Variants in SPATA1 observed in about 807,000 individuals in gnomAD.
The protein encoded by SPATA1 is spermatogenesis associated 1, also known as spermatogenesis-associated protein 1.
SPATA1 carries 57 observed loss-of-function variants against 59.6 expected under a neutral mutation model. That is an observed-to-expected ratio of 0.96 (90% confidence interval 0.77 to 1.19). The LOEUF is 1.19. SPATA1 is among the 50% of genes most tolerant of loss of function. The probability of loss-of-function intolerance (pLI) is 0.00; values close to 1 mark genes in which losing one functional copy is unlikely to be tolerated. For missense variants in SPATA1, 448 were observed against 480.7 expected (o/e 0.93, Z 0.64); for synonymous variants, 147 against 163.9 (o/e 0.90, Z 0.79).
At chr1:84,512,293 G>C (rs1263868285) in intron 1 of SPATA1, among the ~76,000 whole-genome samples, 1 of 152,056 alleles carries the variant, frequency 6.6e-6, no homozygotes, top group Non-Finnish European at 1.5e-5. Flanking sequence ...AGCTGCAAAG[G>C]ATCTTGAAGA....
intron 4 of SPATA1, chr1:84,563,710 T>C (rs777609960): frequency 7.3e-7 from 1 of 1,374,460 alleles, no homozygotes; most frequent in East Asian, 2.4e-5. Flanking sequence ...ATAATAAAAA[T>C]TATGTAACAA....
intron 10 of SPATA1, among the ~76,000 whole-genome samples, chr1:84,547,398 C>G (rs889834127): frequency 6.6e-6 from 1 of 152,076 alleles, no homozygotes; most frequent in African/African-American, 2.4e-5. Context: ...TACTATGTGC[C>G]GGGCACTGTT....
chr1:84,536,971 C>A (rs1683719956), intron 8 of SPATA1, among the ~76,000 whole-genome samples: 1 of 151,508 alleles, frequency 6.6e-6, no homozygotes, highest in Non-Finnish European at 1.5e-5. Flanking sequence ...CCTCTGCCAC[C>A]CAGGTTCAAG....
At chr1:84,524,878 C>A (rs1294948873) in intron 4 of SPATA1, among the ~76,000 whole-genome samples, 4 of 152,074 alleles carry the variant, frequency 2.6e-5, no homozygotes, top group Admixed American at 2.0e-4. Flanking sequence ...TAGAATATAA[C>A]CTCCATGAAA....
intron 8 of SPATA1, among the ~76,000 whole-genome samples, chr1:84,537,377 G>T (rs1221632038): frequency 3.3e-5 from 5 of 152,136 alleles, no homozygotes; most frequent in Non-Finnish European, 5.9e-5. Context: ...ATAAGCTTTG[G>T]ATAGCTTACT....
chr1:84,517,777 GACT>G (rs1394406140), intron 2 of SPATA1, among the ~76,000 whole-genome samples: 1 of 151,910 alleles, frequency 6.6e-6, no homozygotes, highest in African/African-American at 2.4e-5. Flanking sequence ...TACAAAATCT[GACT>G]ACTTTTTAAT....
intron 8 of SPATA1, among the ~76,000 whole-genome samples, chr1:84,543,155 A>G (rs996186278): frequency 6.6e-6 from 1 of 152,234 alleles, no homozygotes; most frequent in Non-Finnish European, 1.5e-5. Flanking sequence ...GAAGCTACAG[A>G]TAACGGGGAC....
chr1:84,549,071 C>A (rs1391477948), intron 11 of SPATA1, 107 bp downstream of exon 11: 6 of 1,151,288 alleles, frequency 5.2e-6, no homozygotes, highest in Admixed American at 6.2e-5. Context: ...TTGACTTAAA[C>A]TTGCTTAAAA....
At chr1:84,546,040 C>G (rs1684075103) in intron 10 of SPATA1, among the ~76,000 whole-genome samples, 1 of 152,074 alleles carries the variant, frequency 6.6e-6, no homozygotes, top group South Asian at 2.1e-4. Context: ...TTATCAAATG[C>G]CTATTGAATC....
chr1:84,513,170 A>G (rs937759017), intron 1 of SPATA1, among the ~76,000 whole-genome samples: 4 of 152,228 alleles, frequency 2.6e-5, no homozygotes, highest in African/African-American at 9.6e-5. Flanking sequence ...CCCAGGCTAG[A>G]GTGCAATGGC....
chr1:84,555,895 T>C (rs1006751965), downstream of SPATA1: 2 of 152,258 alleles, frequency 1.3e-5, no homozygotes, highest in Admixed American at 6.5e-5. Flanking sequence ...ATGTGCTTTT[T>C]TGTATTCTCT....
chr1:84,522,489 TG>T lies in SPATA1; in HGVS notation c.245del (p.Gly82GlufsTer4), dbSNP rs900750555. On this transcript the variant is annotated frameshift_variant, in exon 4 of 13. Coordinates refer to ENST00000490879, the Ensembl canonical transcript of SPATA1. LOFTEE classifies it high-confidence loss of function. ...AAAAATTTTTATTTCTGAAATGCAT[TG>T]GAAATAATTTAGCTGTGGTAAGTTT... is the stretch of plus-strand genomic sequence containing the variant. 6.5e-7 allele frequency: 1 copy of T among 1,532,238 alleles called. No individual in the cohort carries two copies. The highest frequency in any genetic ancestry group is 1.4e-5 in the African/African-American group (1 of 72,134). 94.9% of individuals were successfully genotyped at this position (1,532,238 alleles called of 1,614,324 possible). A position where few individuals can be genotyped will look rare whatever the true frequency, so the allele number is the denominator to read the frequency against.
intron 8 of SPATA1, among the ~76,000 whole-genome samples, chr1:84,540,184 T>TA (rs1277943505): frequency 2.0e-5 from 3 of 152,178 alleles, no homozygotes; most frequent in African/African-American, 7.2e-5. Flanking sequence ...AAGTCTTTTT[T>TA]ATTTAGTTAG....
chr1:84,521,246 T>C (rs1332032823), intron 3 of SPATA1, among the ~76,000 whole-genome samples: 2 of 152,140 alleles, frequency 1.3e-5, no homozygotes, highest in Admixed American at 1.3e-4. Context: ...TAAAGCAATA[T>C]ATCTACAACG....
At chr1:84,553,692 T>C (rs1016200599) in exon 13 of SPATA1, 2 of 152,206 alleles carry the variant, frequency 1.3e-5, no homozygotes, top group Admixed American at 6.5e-5. Context: ...AAATGGTTTT[T>C]ACTCTGTCAC....
chr1:84,520,979 A>G (rs1035867097), intron 3 of SPATA1, among the ~76,000 whole-genome samples: 2 of 152,070 alleles, frequency 1.3e-5, no homozygotes, highest in Admixed American at 1.3e-4. Flanking sequence ...AGTTATCTAA[A>G]ATTAAAAATC....
rs777637933 is a variant in SPATA1, at chr1:84,545,797, A to T, written c.946+38A>T. 6.6e-6 allele frequency: 9 copies of T among 1,368,008 alleles called. 1 individual carries two copies. In the South Asian group the frequency reaches 1.7e-4, roughly 26 times the overall value. 84.7% of individuals were successfully genotyped at this position (1,368,008 alleles called of 1,614,324 possible). ...ACATACCTTTTATCACTATAAAGAA[A>T]ACTTAAGTTTTACAGAATTGATCCT... On this transcript the variant is annotated intron_variant, in intron 10 of 12. Coordinates refer to ENST00000490879, the Ensembl canonical transcript of SPATA1.
rs1043775098 is a variant in SPATA1 at position 84,548,690 on chromosome 1, C to T, written c.947-96C>T. ...GGAAAATGGTTTAAATTGACATTAG[C>T]TCTAGGATCCTTTCCAGGATGAAAA... On this transcript the variant is annotated intron_variant, in intron 10 of 12. Transcript: ENST00000490879. 3.8e-6 allele frequency: 5 copies of T among 1,310,578 alleles called. No homozygotes were observed. In the African/African-American group the frequency reaches 4.7e-5, roughly 12 times the overall value. 81.2% of individuals were successfully genotyped at this position (1,310,578 alleles called of 1,614,324 possible).
At chr1:84,545,640 A>C in exon 10 of SPATA1, 2 of 1,513,142 alleles carry the variant, frequency 1.3e-6, no homozygotes, top group East Asian at 2.5e-5. Flanking sequence ...TTAGGAGAGA[A>C]GATTATCAAA....
Sources: gnomAD v4.1 joint callset for allele counts (sites outside exome capture counted in the v4.1 genomes callset) on GRCh38, gnomAD v4.1.1 for gene constraint, MANE v1.5 for transcripts, NCBI Gene and HGNC (gene_info 2026-07-23, HGNC 2026-07-21) for gene names.